The following PHACTR1 variants were observed in gnomAD, a reference collection of about 807,000 sequenced individuals.
PHACTR1 encodes the protein RPEL repeat containing 1.
A neutral mutation model predicts 69.2 loss-of-function variants in PHACTR1; 16 were observed. The observed-to-expected ratio is 0.23, with a 90% CI of 0.16 to 0.35. The LOEUF is 0.35. Among genes scored for constraint, PHACTR1 ranks in the 10% least tolerant of loss-of-function variants. PHACTR1 has a pLI of 1.00. For synonymous variants in PHACTR1, 312 were observed against 284.5 expected, an observed-to-expected ratio of 1.10 and a Z score of -0.97; for missense variants, 510 against 734.7, an observed-to-expected ratio of 0.69 and a Z score of 3.54.
chr6:13,076,274 A>T (rs1810456545), intron 5 of PHACTR1, among the ~76,000 whole-genome samples: 1 of 152,202 alleles, frequency 6.6e-6, no homozygotes, highest in Non-Finnish European at 1.5e-5. Flanking sequence ...TGAAGCATAT[A>T]AAAAGTGCTC....
intron 5 of PHACTR1, among the ~76,000 whole-genome samples, chr6:13,125,305 G>A (rs947333927): frequency 1.3e-5 from 2 of 151,942 alleles, no homozygotes; most frequent in African/African-American, 4.8e-5. Context: ...TATCTGTTCT[G>A]CTCTAATTTG....
chr6:12,734,304 G>C (rs926295705), intron 3 of PHACTR1, among the ~76,000 whole-genome samples: 1 of 152,140 alleles, frequency 6.6e-6, no homozygotes, highest in South Asian at 2.1e-4. Context: ...ATTATGCCAA[G>C]GTTTAATTTC....
chr6:13,025,866 C>T (rs986340782), intron 4 of PHACTR1, among the ~76,000 whole-genome samples: 1 of 152,066 alleles, frequency 6.6e-6, no homozygotes, highest in African/African-American at 2.4e-5. Context: ...TAATCTCATG[C>T]CAACGTGAAT....
At chr6:13,069,044 C>T (rs1809101092) in intron 5 of PHACTR1, among the ~76,000 whole-genome samples, 1 of 152,120 alleles carries the variant, frequency 6.6e-6, no homozygotes, top group African/African-American at 2.4e-5. Flanking sequence ...ACCACAGAGA[C>T]AGATGTGCAG....
At chr6:12,813,889 C>G (rs1249110685) in intron 4 of PHACTR1, among the ~76,000 whole-genome samples, 2 of 152,214 alleles carry the variant, frequency 1.3e-5, no homozygotes, top group Non-Finnish European at 2.9e-5. Context: ...CACAGGATCT[C>G]AGGCCCTCAC....
At chr6:12,947,105 G>C (rs1220010576) in intron 4 of PHACTR1, among the ~76,000 whole-genome samples, 1 of 151,220 alleles carries the variant, frequency 6.6e-6, no homozygotes, top group African/African-American at 2.4e-5. Flanking sequence ...GGTATGCCCG[G>C]CCGATGGTGC....
chr6:13,041,349 C>T (rs1467376570), intron 4 of PHACTR1, among the ~76,000 whole-genome samples: 21 of 149,734 alleles, frequency 1.4e-4, no homozygotes, highest in African/African-American at 5.0e-4. Context: ...TACACACACA[C>T]ACACACACAC....
intron 7 of PHACTR1, among the ~76,000 whole-genome samples, chr6:13,184,307 G>A (rs1356803305): frequency 6.6e-6 from 1 of 152,162 alleles, no homozygotes; most frequent in East Asian, 1.9e-4. Flanking sequence ...ACAAAACTGA[G>A]CCCCTCCACT....
At chr6:12,829,212 A>C (rs931019146) in intron 4 of PHACTR1, among the ~76,000 whole-genome samples, 3 of 152,240 alleles carry the variant, frequency 2.0e-5, no homozygotes, top group Non-Finnish European at 4.4e-5. Flanking sequence ...ACAGCAAGGC[A>C]ATGCCTGATC....
At chr6:12,838,364 G>C (rs1371567156) in intron 4 of PHACTR1, among the ~76,000 whole-genome samples, 1 of 152,092 alleles carries the variant, frequency 6.6e-6, no homozygotes, top group Non-Finnish European at 1.5e-5. Flanking sequence ...TCTGATGCCT[G>C]TCTCCTCCTT....
chr6:13,136,754 T>C (rs561630152), intron 5 of PHACTR1, among the ~76,000 whole-genome samples: 1 of 152,334 alleles, frequency 6.6e-6, no homozygotes, highest in South Asian at 2.1e-4. Flanking sequence ...TTGTTGTGTC[T>C]CAGGGAATAG....
chr6:12,972,460 G>A (rs1162814952), intron 4 of PHACTR1, among the ~76,000 whole-genome samples: 1 of 152,078 alleles, frequency 6.6e-6, no homozygotes, highest in African/African-American at 2.4e-5. Context: ...CAGTTCTGGA[G>A]GTCAGAAGAC....
chr6:13,124,463 T>C (rs1017560475), intron 5 of PHACTR1, among the ~76,000 whole-genome samples: 1 of 152,226 alleles, frequency 6.6e-6, no homozygotes, highest in Non-Finnish European at 1.5e-5. Context: ...CTCACATGAC[T>C]CAGTCATTTG....
At chr6:13,184,843 T>C (rs762591988) in intron 7 of PHACTR1, 2 of 1,366,558 alleles carry the variant, frequency 1.5e-6, no homozygotes, top group South Asian at 2.3e-5. Context: ...AGTCCTCCTG[T>C]CCCAAGATCC....
At chr6:12,771,892 A>G (rs1242682982) in intron 4 of PHACTR1, among the ~76,000 whole-genome samples, 2 of 152,144 alleles carry the variant, frequency 1.3e-5, no homozygotes, top group African/African-American at 4.8e-5. Context: ...TTCTGGGGAA[A>G]TGGAAGAAAC....
intron 3 of PHACTR1, among the ~76,000 whole-genome samples, chr6:12,744,388 G>A (rs980825890): frequency 3.3e-5 from 5 of 152,056 alleles, no homozygotes; most frequent in African/African-American, 1.2e-4. Context: ...GGAGAAATCA[G>A]GAAGAGAGAA....
intron 4 of PHACTR1, among the ~76,000 whole-genome samples, chr6:12,850,957 A>G (rs1779766747): frequency 6.6e-6 from 1 of 152,206 alleles, no homozygotes; most frequent in African/African-American, 2.4e-5. Flanking sequence ...ACGGGAATTC[A>G]GGACTTCAAT....
chr6:13,091,827 T>G (rs1813329696), intron 5 of PHACTR1, among the ~76,000 whole-genome samples: 1 of 152,032 alleles, frequency 6.6e-6, no homozygotes, highest in Non-Finnish European at 1.5e-5. Context: ...AGATGGAGTC[T>G]CCCTCTGTCA....
At chr6:13,252,610 GTTA>G (rs952633094) in intron 10 of PHACTR1, among the ~76,000 whole-genome samples, 52 of 144,466 alleles carry the variant, frequency 3.6e-4, no homozygotes, top group African/African-American at 1.3e-3. Flanking sequence ...CCATGCTGCT[GTTA>G]TTAAAAAAAA....
Sources: allele counts gnomAD v4.1 joint callset (sites outside exome capture counted in the v4.1 genomes callset), GRCh38; gene constraint gnomAD v4.1.1; transcripts MANE v1.5; gene names NCBI Gene and HGNC (gene_info 2026-07-23, HGNC 2026-07-21).